RET: variants seen among roughly 807,000 people sequenced by gnomAD.
RET encodes proto-oncogene tyrosine-protein kinase receptor Ret.
RET carries 19 observed loss-of-function variants against 118.3 expected under a neutral mutation model. That is an observed-to-expected ratio of 0.16 (90% CI 0.11 to 0.24). The LOEUF is 0.24. RET is among the 10% of genes least tolerant of loss of function. RET has a pLI of 1.00. For missense variants in RET, 1,219 were observed against 1,502.1 expected (o/e 0.81, Z 3.12); for synonymous variants, 597 against 644.1 (o/e 0.93, Z 1.11).
At position 43,081,512 on chromosome 10, in the gene RET, C is replaced by T. The variant is rs1837182996; in HGVS notation, c.73+4181C>T. On this transcript the variant is annotated intron_variant, in intron 1 of 19. Coordinates refer to ENST00000355710, the MANE Select transcript of RET (RefSeq NM_020975.6). ...GGGGCGGGGACTGGGCAGTGACCAC[C>T]AGGCAGGGAGCACACCTCAGTCATG... Among the ~76,000 whole-genome samples the T allele has an allele frequency of 1.3e-5, 2 of 152,168 alleles. 1 individual carries two copies. Among genetic ancestry groups the T allele is most frequent in the South Asian group, 4.1e-4 (2 of 4,834 alleles).
At chr10:43,103,893 T>G (rs1173014727) in intron 3 of RET, among the ~76,000 whole-genome samples, 1 of 152,186 alleles carries the variant, frequency 6.6e-6, no homozygotes, top group Non-Finnish European at 1.5e-5. Flanking sequence ...CCCGCCTCCT[T>G]GGGGTGGGTT....
chr10:43,091,302 TCAA>T (rs1229967365), intron 1 of RET, among the ~76,000 whole-genome samples: 1 of 151,944 alleles, frequency 6.6e-6, no homozygotes, highest in East Asian at 1.9e-4. Context: ...CTCCTCACAC[TCAA>T]CAACAGCAAC....
chr10:43,111,216 G>A lies in RET; in HGVS notation c.1273G>A (p.Val425Ile), dbSNP rs764558748. 6.2e-7 allele frequency: 1 copy of A among 1,613,974 alleles called. No homozygotes were observed. Among genetic ancestry groups the A allele is most frequent in the Non-Finnish European group, 8.5e-7 (1 of 1,179,986 alleles). ...CCCTGTGCCCCCCTAGATCGGGAAA[G>A]TCTGTGTGGAAAACTGCCAGGCATT... ...RARRFAQIGK[V>I]CVENCQAFSG... The change falls in exon 7 of 20, where the codon GTC becomes ATC. Residue 425 changes from valine to isoleucine, a missense_variant. This residue lies in a region of RET where 850 missense variants were observed against 969.6 expected (regional missense o/e 0.88). Transcript: ENST00000355710.
At chr10:43,111,835 G>C (rs3026749) in intron 7 of RET, among the ~76,000 whole-genome samples, 1 of 152,222 alleles carries the variant, frequency 6.6e-6, no homozygotes, top group African/African-American at 2.4e-5. Flanking sequence ...ACAGGGCGTC[G>C]TTGGCTGAAT....
chr10:43,104,870 C>T (rs1024737766), intron 3 of RET, 82 bp from the exon 4 acceptor site: 7 of 1,507,656 alleles, frequency 4.6e-6, no homozygotes, highest in Non-Finnish European at 6.2e-6. Flanking sequence ...CCGCTCTGAC[C>T]GCAGAGCCCC....
In RET at chr10:43,077,133, A is replaced by C. The variant is rs1043270606; in HGVS notation, c.-126A>C. On this transcript the variant is annotated 5_prime_UTR_variant, in exon 1 of 20. Coordinates refer to ENST00000355710, the MANE Select transcript of RET (RefSeq NM_020975.6). ...GCCCCGGAACGTGCGTCGCGCCCCC[A>C]GTGTCCGTCGCGTCCGCCGCGCCCC... is the stretch of plus-strand genomic sequence containing the variant. 1.3e-5 allele frequency: 16 copies of C among 1,248,842 alleles called. No homozygotes were observed. The highest frequency in any genetic ancestry group is 6.4e-5 in the African/African-American group (4 of 62,634). The allele number at this position is 1,248,842 out of a possible 1,614,324, so 77.4% of individuals were successfully genotyped here. A position where few individuals can be genotyped will look rare whatever the true frequency, so the allele number is the denominator to read the frequency against.
At chr10:43,123,877 C>A in intron 17 of RET, 69 bp downstream of exon 17, 1 of 1,608,160 alleles carries the variant, frequency 6.2e-7, no homozygotes, top group Non-Finnish European at 8.5e-7. Context: ...CATTCCCTCC[C>A]CATCCAGAGC....
intron 16 of RET, among the ~76,000 whole-genome samples, chr10:43,122,301 C>T (rs1838236209): frequency 6.6e-6 from 1 of 152,194 alleles, no homozygotes; most frequent in Non-Finnish European, 1.5e-5. Flanking sequence ...CCTTGCTAGT[C>T]CCATGCCTCC....
At chr10:43,094,462 T>C (rs966678651) in intron 1 of RET, among the ~76,000 whole-genome samples, 1 of 152,258 alleles carries the variant, frequency 6.6e-6, no homozygotes, top group Non-Finnish European at 1.5e-5. Context: ...GTTATTGTTT[T>C]CTTTTTTGGA....
intron 19 of RET, among the ~76,000 whole-genome samples, 186 bp from the exon 20 acceptor site, chr10:43,127,926 G>A (rs1838370527): frequency 6.6e-6 from 1 of 152,132 alleles, no homozygotes; most frequent in African/African-American, 2.4e-5. Context: ...TACCAAGAGA[G>A]CACATGATAT....
chr10:43,093,853 G>A (rs541608425), intron 1 of RET, among the ~76,000 whole-genome samples: 2 of 152,180 alleles, frequency 1.3e-5, no homozygotes, highest in Non-Finnish European at 2.9e-5. Flanking sequence ...TTCCATGAAT[G>A]ACGTCAAAAA....
Position 43,119,627 on chromosome 10 carries a change from G to A in RET, c.2489G>A (p.Gly830Glu), listed in dbSNP as rs1159027752. Residue 830 changes from glycine (G) to glutamate (E), a missense_variant, in exon 14 of 20, where the codon GGA (glycine) becomes GAA (glutamate). This residue lies in a region of RET where 850 missense variants were observed against 969.6 expected (regional missense o/e 0.88). Coordinates refer to ENST00000355710, the MANE Select transcript of RET (RefSeq NM_020975.6). ...GTGGGGCCTGGCTACCTGGGCAGTG[G>A]AGGCAGCCGCAACTCCAGCTCCCTG... The part of the protein sequence containing the change: ...RKVGPGYLGS[G>E]GSRNSSSLDH... 6.2e-7 allele frequency: 1 copy of A among 1,612,886 alleles called. No homozygotes were observed. The highest frequency in any genetic ancestry group is 1.7e-5 in the Admixed American group (1 of 60,026).
rs143369221 is a variant in RET, at chr10:43,130,011, G to A, written c.*1742G>A. 613 of 398,828 alleles carry A rather than the reference G, an allele frequency of 1.5e-3. 3 individuals carry two copies. Among genetic ancestry groups the A allele is most frequent in the African/African-American group, 0.011 (558 of 48,764 alleles). The allele number at this position is 398,828 out of a possible 1,614,324, so 24.7% of individuals were successfully genotyped here. On this transcript the variant is annotated 3_prime_UTR_variant, in exon 20 of 20. Coordinates refer to ENST00000355710, the MANE Select transcript of RET (RefSeq NM_020975.6). Reference sequence around the variant, plus strand: ...GCCTACACAGTAAGTGTGAATTGCTGCAACAGGTTTGTTCTCAGGAGGGTA... The same window carrying A: ...GCCTACACAGTAAGTGTGAATTGCTACAACAGGTTTGTTCTCAGGAGGGTA...
At chr10:43,127,065 TTAAC>T (rs1250473262) in intron 19 of RET, 67 of 1,224,284 alleles carry the variant, frequency 5.5e-5, no homozygotes, top group African/African-American at 1.2e-4. Context: ...TACTTCTACT[TTAAC>T]TAAGTGGATA....
intron 17 of RET, 49 bp downstream of exon 17, chr10:43,123,857 C>T: frequency 6.2e-7 from 1 of 1,612,176 alleles, no homozygotes; most frequent in Non-Finnish European, 8.5e-7. Flanking sequence ...AGGGAGGGGA[C>T]ATCTGTGTGC....
At chr10:43,103,975 C>T (rs556250449) in intron 3 of RET, among the ~76,000 whole-genome samples, 2 of 152,286 alleles carry the variant, frequency 1.3e-5, no homozygotes, top group Admixed American at 6.5e-5. Context: ...AGGACAAATC[C>T]GAGGTCAGGC....
In RET at chr10:43,107,559, TCACACACACACACA is replaced by T. The variant is rs59876947; in HGVS notation, c.1063+1018_1063+1031del. On this transcript the variant is annotated intron_variant, in intron 5 of 19. Transcript: ENST00000355710. ...ATGTAGACCTTTAACCCCCCATGCC[TCACACACACACACA>T]CACACACACACACACACACACACAC... 5.7e-3 allele frequency among the ~76,000 whole-genome samples: 798 copies of T among 140,822 alleles called. 11 individuals are homozygous for T. Among genetic ancestry groups the T allele is most frequent in the African/African-American group, 0.02 (763 of 38,018 alleles). The allele number at this position is 140,822 out of a possible 152,430, so 92.4% of individuals were successfully genotyped here.
In RET at chr10:43,106,720, C is replaced by T. The variant is rs1229323372; in HGVS notation, c.1063+149C>T. On this transcript the variant is annotated intron_variant, in intron 5 of 19. Transcript: ENST00000355710. This position sits in a 1 kb window ranked among gnomAD's most constrained non-coding sequence, Gnocchi z 5.1. Reference sequence around the variant, plus strand: ...CCCCTCCACCCTCTGCCCAGCACTTCCTGTGTCTCTGCCAGGCCTGCCCTC... The same window carrying T: ...CCCCTCCACCCTCTGCCCAGCACTTTCTGTGTCTCTGCCAGGCCTGCCCTC... The T allele has an allele frequency of 3.6e-6, 3 of 827,620 alleles. No individual in the cohort carries two copies. The highest frequency in any genetic ancestry group is 2.3e-5 in the Admixed American group (1 of 44,294). 51.3% of individuals were successfully genotyped at this position (827,620 alleles called of 1,614,324 possible). A position where few individuals can be genotyped will look rare whatever the true frequency, so the allele number is the denominator to read the frequency against.
intron 1 of RET, among the ~76,000 whole-genome samples, chr10:43,078,523 T>A (rs548574737): frequency 6.6e-6 from 1 of 152,334 alleles, no homozygotes; most frequent in African/African-American, 2.4e-5. Flanking sequence ...AGCCCTTGCC[T>A]TTCTATCTTT....
Sources: allele counts gnomAD v4.1 joint callset (sites outside exome capture counted in the v4.1 genomes callset), GRCh38; gene constraint gnomAD v4.1.1; regional missense constraint gnomAD v4.1.1; non-coding constraint Gnocchi (gnomAD v3.1); transcripts MANE v1.5; gene names NCBI Gene and HGNC (gene_info 2026-07-23, HGNC 2026-07-21).